The following ASAP3 variants were observed in gnomAD, a reference collection of about 807,000 sequenced individuals.
ASAP3 encodes the protein ArfGAP with SH3 domain, ankyrin repeat and PH domain 3, also known as arf-GAP with SH3 domain, ANK repeat and PH domain-containing protein 3.
ASAP3 carries 85 observed loss-of-function variants against 118.2 expected under a neutral mutation model. The ratio of observed to expected loss-of-function variants is 0.72; its 90% CI spans 0.60 to 0.86. The LOEUF (loss-of-function observed/expected upper bound fraction) is 0.86. Ranked by LOEUF, ASAP3 falls within the 40% of genes least tolerant of loss-of-function variation. The pLI is 0.00. For synonymous variants in ASAP3, 432 were observed against 477.4 expected (o/e 0.90, Z 1.24); for missense variants, 1,026 against 1,175.0 (o/e 0.87, Z 1.85).
At chr1:23,451,969 A>AG (rs1258665742) in intron 4 of ASAP3, among the ~76,000 whole-genome samples, 1 of 152,224 alleles carries the variant, frequency 6.6e-6, no homozygotes, top group Non-Finnish European at 1.5e-5. Flanking sequence ...GCAAGGGTAC[A>AG]GGTCAAGGAA....
chr1:23,447,802 G>A (rs1373776767), intron 5 of ASAP3, among the ~76,000 whole-genome samples: 5 of 151,060 alleles, frequency 3.3e-5, no homozygotes, highest in African/African-American at 9.7e-5. Context: ...TAGATAAGCC[G>A]TGAAGTACAC....
At chr1:23,431,335 A>G (rs1570320199) in intron 23 of ASAP3, among the ~76,000 whole-genome samples, 1 of 152,218 alleles carries the variant, frequency 6.6e-6, no homozygotes, top group African/African-American at 2.4e-5. Context: ...CTTCTCCCCA[A>G]ACTCCAGACT....
intron 18 of ASAP3, 74 bp downstream of exon 18, chr1:23,434,459 G>A (rs1223405496): frequency 3.8e-6 from 6 of 1,598,980 alleles, no homozygotes; most frequent in Non-Finnish European, 4.3e-6. Flanking sequence ...GGAAAGGAGG[G>A]AAGAGAATGG....
Position 23,459,796 on chromosome 1 carries a change from G to A in ASAP3, c.130-3602C>T, listed in dbSNP as rs185930103. On this transcript the variant is annotated intron_variant, in intron 1 of 24. Coordinates refer to ENST00000336689, the MANE Select transcript of ASAP3 (RefSeq NM_017707.4). ...TGAAATACCCCTGAATCCACCCAAC[G>A]AAGTTCCTTTAAGCAAGTTTGAGAA... Among the ~76,000 whole-genome samples, 200 of 152,244 alleles carry A rather than the reference G, an allele frequency of 1.3e-3. 3 individuals carry two copies. The highest frequency in any genetic ancestry group is 0.013 in the Admixed American group (192 of 15,290).
chr1:23,442,619 C>T lies in ASAP3; in HGVS notation c.474-7G>A. ...CTCCTTCTCCAGCTTGGCCCTAGAC[C>T]CCAAGGAAAGAGAAGCCTGAACAAG... is the stretch of plus-strand genomic sequence containing the variant. On this transcript the variant is annotated splice_region_variant and splice_polypyrimidine_tract_variant and intron_variant, in intron 5 of 24. Transcript: ENST00000336689. 10 of 1,613,272 alleles carry T rather than the reference C, an allele frequency of 6.2e-6. No individual in the cohort carries two copies. The highest frequency in any genetic ancestry group is 8.5e-6 in the Non-Finnish European group (10 of 1,179,730).
chr1:23,455,963 G>T lies in ASAP3; in HGVS notation c.266C>A (p.Ser89Tyr). Reference protein sequence around the residue: ...AVESLGNSHLSQNSHELSTGF... With the variant: ...AVESLGNSHLYQNSHELSTGF... ...TGTGGACAGCTCATGGCTGTTCTGGGACAGGTGGCTGTTGCCTAAGGATTC... is the reference window on the plus strand; with the variant it reads ...TGTGGACAGCTCATGGCTGTTCTGGTACAGGTGGCTGTTGCCTAAGGATTC... The change falls in exon 3 of 25, where the codon TCC becomes TAC. Residue 89 changes from serine (S) to tyrosine (Y), a missense_variant. Transcript: ENST00000336689. The T allele has an allele frequency of 6.2e-7, 1 of 1,614,162 alleles. No individual in the cohort carries two copies. Among genetic ancestry groups the T allele is most frequent in the Non-Finnish European group, 8.5e-7 (1 of 1,180,026 alleles).
chr1:23,429,825 T>C lies in ASAP3; in HGVS notation c.*31A>G, dbSNP rs778654318. On this transcript the variant is annotated 3_prime_UTR_variant, in exon 25 of 25. Coordinates refer to ENST00000336689, the MANE Select transcript of ASAP3 (RefSeq NM_017707.4). ...AGTCCCAGCTCTGAACATTGGGGCC[T>C]AGCATGGGGCATGTGGGGGCCAGCA... 6.2e-7 allele frequency: 1 copy of C among 1,607,302 alleles called. No homozygotes were observed. The highest frequency in any genetic ancestry group is 1.1e-5 in the South Asian group (1 of 89,976).
chr1:23,449,982 G>C (rs1031399817), intron 5 of ASAP3, among the ~76,000 whole-genome samples: 1 of 152,202 alleles, frequency 6.6e-6, no homozygotes, highest in African/African-American at 2.4e-5. Flanking sequence ...GACAAGGTCA[G>C]CCTGTGCCCT....
intron 3 of ASAP3, among the ~76,000 whole-genome samples, chr1:23,453,347 C>G (rs1641285013): frequency 6.6e-6 from 1 of 152,080 alleles, no homozygotes; most frequent in Admixed American, 6.6e-5. Flanking sequence ...CACCCCAGCC[C>G]CAGGATAGAG....
In ASAP3 at chr1:23,476,339, C is replaced by T. The variant is rs568537384; in HGVS notation, c.129+7666G>A. 3.6e-4 allele frequency among the ~76,000 whole-genome samples: 55 copies of T among 151,026 alleles called. 1 individual carries two copies. The highest frequency in any genetic ancestry group is 1.3e-3 in the African/African-American group (52 of 40,778). On this transcript the variant is annotated intron_variant, in intron 1 of 24. Coordinates refer to ENST00000336689, the MANE Select transcript of ASAP3 (RefSeq NM_017707.4). Reference sequence around the variant, plus strand: ...CCAGCCTGGGCAATACAGTGAGACTCCATCCCAATCAAACAAAAAAAAAAA... The same window carrying T: ...CCAGCCTGGGCAATACAGTGAGACTTCATCCCAATCAAACAAAAAAAAAAA...
chr1:23,450,800 G>A (rs1443979215), intron 5 of ASAP3, among the ~76,000 whole-genome samples: 2 of 152,146 alleles, frequency 1.3e-5, no homozygotes, highest in Non-Finnish European at 2.9e-5. Context: ...ATGCTCTACA[G>A]TATGGGCCTG....
At chr1:23,482,231 A>G (rs1642328314) in intron 1 of ASAP3, among the ~76,000 whole-genome samples, 1 of 152,274 alleles carries the variant, frequency 6.6e-6, no homozygotes, top group African/African-American at 2.4e-5. Context: ...TCCATTTATC[A>G]AGAGGCATGG....
At chr1:23,471,690 C>T (rs1437779337) in intron 1 of ASAP3, among the ~76,000 whole-genome samples, 4 of 152,104 alleles carry the variant, frequency 2.6e-5, no homozygotes, top group Non-Finnish European at 4.4e-5. Context: ...TAGATGTTCC[C>T]CATCTGTCAA....
intron 5 of ASAP3, among the ~76,000 whole-genome samples, chr1:23,446,425 AT>A (rs1251755485): frequency 6.9e-6 from 1 of 144,434 alleles, no homozygotes; most frequent in African/African-American, 2.5e-5. Context: ...TAAACAATTC[AT>A]AAGTTTTTTT....
chr1:23,439,704 AT>A (rs1640797005), intron 10 of ASAP3, among the ~76,000 whole-genome samples: 1 of 151,692 alleles, frequency 6.6e-6, no homozygotes, highest in African/African-American at 2.4e-5. Context: ...TAACAGGTAA[AT>A]ATTCATTGGT....
chr1:23,433,799 C>T, intron 19 of ASAP3, 106 bp from the exon 20 acceptor site: 1 of 1,457,270 alleles, frequency 6.9e-7, no homozygotes. Context: ...TGAATCCTGG[C>T]TCTGCCATTT....
intron 17 of ASAP3, among the ~76,000 whole-genome samples, chr1:23,435,105 G>A (rs1409323604): frequency 2.0e-5 from 3 of 152,190 alleles, no homozygotes; most frequent in African/African-American, 4.8e-5. Context: ...ACAGCTCTCT[G>A]TAGCCTCAAC....
At chr1:23,454,689 T>A (rs969122511) in intron 3 of ASAP3, among the ~76,000 whole-genome samples, 1 of 152,194 alleles carries the variant, frequency 6.6e-6, no homozygotes, top group African/African-American at 2.4e-5. Flanking sequence ...GCTATAACAA[T>A]GATAGATTTT....
At chr1:23,484,279 C>A (rs1014574424), upstream of ASAP3, 31 of 777,112 alleles carry the variant, frequency 4.0e-5, no homozygotes, top group Non-Finnish European at 5.1e-5. Flanking sequence ...GACCCTCCAG[C>A]CGCTCTCCGC....
Sources: allele counts gnomAD v4.1 joint callset (sites outside exome capture counted in the v4.1 genomes callset), GRCh38; gene constraint gnomAD v4.1.1; transcripts MANE v1.5; gene names NCBI Gene and HGNC (gene_info 2026-07-23, HGNC 2026-07-21).